The following RPS6KC1 variants were observed in gnomAD, a reference collection of about 807,000 sequenced individuals.
The protein encoded by RPS6KC1 is inactive ribosomal protein S6 kinase delta-1.
A neutral mutation model predicts 103.8 loss-of-function variants in RPS6KC1; 54 were observed. The observed-to-expected ratio is 0.52, with a 90% confidence interval of 0.42 to 0.65. The LOEUF (loss-of-function observed/expected upper bound fraction) is 0.65. Ranked by LOEUF, RPS6KC1 falls within the 30% of genes least tolerant of loss-of-function variation. RPS6KC1 has a pLI of 0.00. For missense variants in RPS6KC1, 1,151 were observed against 1,253.8 expected (o/e 0.92, Z 1.24); for synonymous variants, 439 against 438.7 (o/e 1.00, Z -0.01).
At chr1:213,561,428 C>A in the RPS6KC1 span, among the ~76,000 whole-genome samples, 1 of 152,108 alleles carries the variant, frequency 6.6e-6, no homozygotes, top group African/African-American at 2.4e-5. Context: ...GGACTGAAGT[C>A]ATATTTACCA....
chr1:213,781,709 C>A, the RPS6KC1 span, among the ~76,000 whole-genome samples: 1 of 152,066 alleles, frequency 6.6e-6, no homozygotes, highest in Admixed American at 6.6e-5. Context: ...CTGTAAGTCA[C>A]ACTCCCTATT....
the RPS6KC1 span, among the ~76,000 whole-genome samples, chr1:213,443,067 C>T: frequency 3.6e-4 from 54 of 151,882 alleles, no homozygotes; most frequent in African/African-American, 1.3e-3. Context: ...GGCGATGTTT[C>T]TCACTAGTAA....
chr1:213,246,798 G>T (rs1243836038), intron 12 of RPS6KC1, among the ~76,000 whole-genome samples: 1 of 151,984 alleles, frequency 6.6e-6, no homozygotes, highest in Non-Finnish European at 1.5e-5. Flanking sequence ...AGGATTGCTT[G>T]AGGCTGTGAG....
intron 8 of RPS6KC1, among the ~76,000 whole-genome samples, chr1:213,215,853 T>G (rs1249219063): frequency 6.6e-6 from 1 of 152,166 alleles, no homozygotes; most frequent in Non-Finnish European, 1.5e-5. Flanking sequence ...CCACCAGGCC[T>G]GCCCTAAAAG....
chr1:213,270,632 A>T, intron 14 of RPS6KC1, among the ~76,000 whole-genome samples: 1 of 152,248 alleles, frequency 6.6e-6, no homozygotes, highest in East Asian at 1.9e-4. Flanking sequence ...ATAAAAATAT[A>T]AAAATTTTAA....
At chr1:213,172,245 A>G (rs1454397811) in intron 7 of RPS6KC1, among the ~76,000 whole-genome samples, 1 of 152,158 alleles carries the variant, frequency 6.6e-6, no homozygotes, top group East Asian at 1.9e-4. Context: ...AATAATATCA[A>G]GTGAAAAAGA....
Position 213,258,161 on chromosome 1 carries a change from T to G in RPS6KC1, c.2912-3397T>G, listed in dbSNP as rs193215758. On this transcript the variant is annotated intron_variant, in intron 12 of 14. Coordinates refer to ENST00000366960, the MANE Select transcript of RPS6KC1 (RefSeq NM_012424.6). ...TACGCTTGGCTAATTTTTTGTATTT[T>G]TAGTAGAGACGGGGTTTTACCGTGT... 2.5e-4 allele frequency among the ~76,000 whole-genome samples: 38 copies of G among 152,184 alleles called. 1 individual carries two copies. Among genetic ancestry groups the G allele is most frequent in the Admixed American group, 2.3e-3 (35 of 15,288 alleles).
At chr1:213,202,526 T>G (rs1005071211) in intron 8 of RPS6KC1, among the ~76,000 whole-genome samples, 1 of 152,018 alleles carries the variant, frequency 6.6e-6, no homozygotes, top group Non-Finnish European at 1.5e-5. Context: ...GGCAGGAGAA[T>G]CACTTGAACT....
chr1:213,054,694 T>A (rs1248833037), intron 1 of RPS6KC1, among the ~76,000 whole-genome samples: 1 of 152,236 alleles, frequency 6.6e-6, no homozygotes, highest in African/African-American at 2.4e-5. Flanking sequence ...TTCTTAAATC[T>A]CCTTTGTGCT....
chr1:213,165,843 C>T (rs2090918006), intron 6 of RPS6KC1, among the ~76,000 whole-genome samples: 1 of 152,174 alleles, frequency 6.6e-6, no homozygotes, highest in Admixed American at 6.5e-5. Flanking sequence ...AGGCACGAGC[C>T]ACCGCACCTG....
At chr1:213,730,608 C>T in the RPS6KC1 span, among the ~76,000 whole-genome samples, 1 of 151,972 alleles carries the variant, frequency 6.6e-6, no homozygotes. Context: ...CCACTTTTTA[C>T]TGGGGTTGTT....
the RPS6KC1 span, among the ~76,000 whole-genome samples, chr1:213,504,498 A>G: frequency 6.6e-6 from 1 of 152,112 alleles, no homozygotes; most frequent in African/African-American, 2.4e-5. Flanking sequence ...GCTCATACCC[A>G]GTGTTTTCTA....
the RPS6KC1 span, among the ~76,000 whole-genome samples, chr1:213,410,518 G>A: frequency 6.6e-6 from 1 of 152,172 alleles, no homozygotes; most frequent in Non-Finnish European, 1.5e-5. Context: ...ATCAAGAAAG[G>A]TTGTTGAAGA....
At chr1:213,812,841 C>T in the RPS6KC1 span, among the ~76,000 whole-genome samples, 1 of 152,270 alleles carries the variant, frequency 6.6e-6, no homozygotes, top group Non-Finnish European at 1.5e-5. Flanking sequence ...CTAAATTCCT[C>T]TTACTTAACA....
At chr1:213,831,932 T>C in the RPS6KC1 span, among the ~76,000 whole-genome samples, 1 of 152,188 alleles carries the variant, frequency 6.6e-6, no homozygotes, top group East Asian at 1.9e-4. Flanking sequence ...GGATCTTTAA[T>C]GGTCTCTAGA....
intron 1 of RPS6KC1, among the ~76,000 whole-genome samples, chr1:213,059,363 A>G (rs1442698037): frequency 6.6e-6 from 1 of 152,194 alleles, no homozygotes; most frequent in Non-Finnish European, 1.5e-5. Context: ...TACACTGGCT[A>G]TGACTTGTAG....
At chr1:213,421,967 A>G in the RPS6KC1 span, among the ~76,000 whole-genome samples, 1 of 152,188 alleles carries the variant, frequency 6.6e-6, no homozygotes, top group African/African-American at 2.4e-5. Context: ...CTAGACCCCA[A>G]GTTCCTAGAG....
At chr1:213,674,969 AT>A in the RPS6KC1 span, among the ~76,000 whole-genome samples, 1 of 151,928 alleles carries the variant, frequency 6.6e-6, no homozygotes, top group African/African-American at 2.4e-5. Context: ...TCCTTTGCCC[AT>A]TTTTTAATGG....
chr1:213,669,436 T>C, the RPS6KC1 span, among the ~76,000 whole-genome samples: 1 of 152,106 alleles, frequency 6.6e-6, no homozygotes, highest in South Asian at 2.1e-4. Flanking sequence ...TAAGTACAGT[T>C]TGTGGTGTCC....
Sources: allele counts gnomAD v4.1 joint callset (sites outside exome capture counted in the v4.1 genomes callset), GRCh38; gene constraint gnomAD v4.1.1; transcripts MANE v1.5; gene names NCBI Gene and HGNC (gene_info 2026-07-23, HGNC 2026-07-21).